The following CTNNA3 variants were observed in gnomAD, a reference collection of about 807,000 sequenced individuals.
CTNNA3 encodes the protein catenin alpha-3.
A neutral mutation model predicts 95.7 loss-of-function variants in CTNNA3; 76 were observed. The observed-to-expected ratio is 0.79, with a 90% confidence interval of 0.66 to 0.96. The LOEUF (loss-of-function observed/expected upper bound fraction) is 0.96. CTNNA3 is among the 40% of genes least tolerant of loss of function. The probability of loss-of-function intolerance (pLI) is 0.00; values close to 1 mark genes in which losing one functional copy is unlikely to be tolerated. For missense variants in CTNNA3, 1,191 were observed against 1,089.8 expected, an observed-to-expected ratio of 1.09 and a Z score of -1.31; for synonymous variants, 431 against 374.4, an observed-to-expected ratio of 1.15 and a Z score of -1.74.
intron 7 of CTNNA3, among the ~76,000 whole-genome samples, chr10:66,991,818 A>G (rs1851057079): frequency 6.6e-6 from 1 of 152,232 alleles, no homozygotes; most frequent in African/African-American, 2.4e-5. Context: ...TCTCTTCTGT[A>G]TATATGCCAG....
At chr10:66,913,778 A>T (rs1846343643) in intron 7 of CTNNA3, among the ~76,000 whole-genome samples, 1 of 152,294 alleles carries the variant, frequency 6.6e-6, no homozygotes, top group East Asian at 1.9e-4. Context: ...CTTTACCCCA[A>T]GCAATCAAAA....
rs188468303 is a variant in CTNNA3, at chr10:66,166,270, A to G, written c.1885-63021T>C. ...CAGGAGTCCAAGAGATCAGGAGTTC[A>G]AGACCAGCCTGGCCAACATGGTGAA... On this transcript the variant is annotated intron_variant, in intron 13 of 17. Transcript: ENST00000433211. 1.6e-3 allele frequency among the ~76,000 whole-genome samples: 248 copies of G among 152,012 alleles called. 1 individual carries two copies. The highest frequency in any genetic ancestry group is 4.1e-3 in the Admixed American group (62 of 15,250).
chr10:66,882,317 G>C (rs968901765), intron 7 of CTNNA3, among the ~76,000 whole-genome samples: 1 of 152,018 alleles, frequency 6.6e-6, no homozygotes, highest in Non-Finnish European at 1.5e-5. Flanking sequence ...GAGCAGAAAG[G>C]GAACAGTCCC....
At chr10:66,515,305 A>ATCTATCTATC (rs1554809583) in intron 11 of CTNNA3, among the ~76,000 whole-genome samples, 1 of 69,914 alleles carries the variant, frequency 1.4e-5, no homozygotes, top group African/African-American at 5.7e-5. Flanking sequence ...ATCTATCTAT[A>ATCTATCTATC]TGGAAAATAG....
intron 13 of CTNNA3, among the ~76,000 whole-genome samples, chr10:66,244,787 A>T (rs1375462414): frequency 2.0e-5 from 3 of 152,222 alleles, no homozygotes; most frequent in African/African-American, 7.2e-5. Flanking sequence ...CACAAGGCAG[A>T]CTGTGAAGAC....
chr10:67,284,241 T>A (rs887857941), intron 5 of CTNNA3, among the ~76,000 whole-genome samples: 2 of 152,250 alleles, frequency 1.3e-5, no homozygotes, highest in Non-Finnish European at 2.9e-5. Flanking sequence ...TTTGCCAGTG[T>A]TCTCATTGCT....
chr10:66,509,642 A>G (rs1406562399), intron 11 of CTNNA3, among the ~76,000 whole-genome samples: 3 of 151,916 alleles, frequency 2.0e-5, no homozygotes, highest in Non-Finnish European at 2.9e-5. Context: ...TTCAATGTAT[A>G]TTCTTGACAT....
intron 15 of CTNNA3, among the ~76,000 whole-genome samples, chr10:66,007,376 A>C (rs74143646): frequency 0.1 from 15,161 of 152,056 alleles, 1,308 homozygotes; most frequent in African/African-American, 0.23. Flanking sequence ...ATTTTTCCTG[A>C]TCCTCTTCCT....
At chr10:67,390,486 A>G (rs1259707230) in intron 5 of CTNNA3, among the ~76,000 whole-genome samples, 1 of 152,110 alleles carries the variant, frequency 6.6e-6, no homozygotes, top group Non-Finnish European at 1.5e-5. Flanking sequence ...ACAAGGAGGA[A>G]CTGGTACCAT....
At chr10:67,521,757 C>CA in intron 5 of CTNNA3, 85 bp downstream of exon 5, 1 of 1,520,028 alleles carries the variant, frequency 6.6e-7, no homozygotes, top group Non-Finnish European at 8.9e-7. Flanking sequence ...TAAGTTTCCT[C>CA]AGACCCACCT....
At chr10:67,708,140 AT>A (rs1359007042) in intron 1 of CTNNA3, among the ~76,000 whole-genome samples, 6 of 152,164 alleles carry the variant, frequency 3.9e-5, no homozygotes, top group Non-Finnish European at 7.4e-5. Context: ...GCTAAAATGA[AT>A]GTTTTTCTCA....
intron 1 of CTNNA3, among the ~76,000 whole-genome samples, chr10:67,705,328 C>T (rs1431439298): frequency 5.9e-5 from 9 of 151,754 alleles, no homozygotes; most frequent in East Asian, 3.9e-4. Flanking sequence ...CACATGCACA[C>T]GTATGTTTAT....
At chr10:66,168,686 T>C (rs1441979715) in intron 13 of CTNNA3, among the ~76,000 whole-genome samples, 1 of 152,180 alleles carries the variant, frequency 6.6e-6, no homozygotes, top group Non-Finnish European at 1.5e-5. Context: ...CTTTTTTATA[T>C]TATAGTACTT....
chr10:67,603,577 G>A (rs1355276038), intron 3 of CTNNA3, among the ~76,000 whole-genome samples: 1 of 150,086 alleles, frequency 6.7e-6, no homozygotes, highest in Non-Finnish European at 1.5e-5. Context: ...TTGTGTCTTA[G>A]ATTTTAGTAA....
intron 10 of CTNNA3, among the ~76,000 whole-genome samples, chr10:66,576,774 A>G (rs1843016331): frequency 6.6e-6 from 1 of 151,948 alleles, no homozygotes; most frequent in African/African-American, 2.4e-5. Context: ...GCTATTGTGA[A>G]TAGCATTGTG....
At position 66,624,340 on chromosome 10, in the gene CTNNA3, G is replaced by A. The variant is rs1844856651; in HGVS notation, c.1282-2556C>T. The stretch of plus-strand genomic sequence containing the variant: ...ATGTATGGGGAGAGTCTGAAGCCTG[G>A]TGGCCCTCACCATGTATGAATTGCC... On this transcript the variant is annotated intron_variant, in intron 9 of 17. Transcript: ENST00000433211. Among the ~76,000 whole-genome samples, 3 of 152,068 alleles carry A rather than the reference G, an allele frequency of 2.0e-5. No individual in the cohort carries two copies. In the South Asian group the frequency reaches 6.2e-4, roughly 32 times the overall value.
Position 67,550,582 on chromosome 10 carries a change from TTC to T in CTNNA3, c.293-10915_293-10914del, listed in dbSNP as rs777616959. The stretch of plus-strand genomic sequence containing the variant: ...AGAAATTATTTAAAGAATAAAGAAA[TTC>T]TTTTTTTAAAGAATAAATTATTTAA... On this transcript the variant is annotated intron_variant, in intron 3 of 17. Transcript: ENST00000433211. Among the ~76,000 whole-genome samples the T allele has an allele frequency of 1.1e-4, 16 of 151,292 alleles. No homozygotes were observed. The East Asian group carries it at 1.2e-3, about 11-fold the overall frequency.
chr10:66,237,914 T>G (rs7924275), intron 13 of CTNNA3, among the ~76,000 whole-genome samples: 33,068 of 151,974 alleles, frequency 0.22, 3,682 homozygotes, highest in Admixed American at 0.27. Flanking sequence ...CTGTGGTTTC[T>G]TCTAAGAAAA....
At chr10:66,135,024 A>T (rs1367250274) in intron 13 of CTNNA3, among the ~76,000 whole-genome samples, 2 of 152,140 alleles carry the variant, frequency 1.3e-5, no homozygotes, top group Admixed American at 1.3e-4. Context: ...ATATTGTTGT[A>T]TTGGAGAACT....
Sources: allele counts gnomAD v4.1 joint callset (sites outside exome capture counted in the v4.1 genomes callset), GRCh38; gene constraint gnomAD v4.1.1; transcripts MANE v1.5; gene names NCBI Gene and HGNC (gene_info 2026-07-23, HGNC 2026-07-21).